The following FRAS1 variants were observed in gnomAD, a reference collection of about 807,000 sequenced individuals.
The protein encoded by FRAS1 is extracellular matrix organizing protein FRAS1.
A neutral mutation model predicts 435.2 loss-of-function variants in FRAS1; 290 were observed. The observed-to-expected ratio is 0.67, with a 90% confidence interval of 0.61 to 0.73. The LOEUF is 0.73. Among genes scored for constraint, FRAS1 ranks in the 30% least tolerant of loss-of-function variants. The pLI is 0.00. For missense variants in FRAS1, 4,860 were observed against 5,001.5 expected (o/e 0.97, Z 0.85); for synonymous variants, 1,800 against 1,851.0 (o/e 0.97, Z 0.71).
intron 32 of FRAS1, among the ~76,000 whole-genome samples, chr4:78,418,485 G>A (rs1733636580): frequency 6.6e-6 from 1 of 152,138 alleles, no homozygotes; most frequent in Non-Finnish European, 1.5e-5. Context: ...TAAGTCAGAG[G>A]AGCAGCAGTG....
chr4:78,186,709 T>C (rs1722285437), intron 2 of FRAS1, among the ~76,000 whole-genome samples: 1 of 152,208 alleles, frequency 6.6e-6, no homozygotes, highest in Non-Finnish European at 1.5e-5. Flanking sequence ...TCTGATTAGT[T>C]ATTTTCTAGT....
intron 1 of FRAS1, among the ~76,000 whole-genome samples, chr4:78,064,045 A>T (rs1181419345): frequency 6.6e-6 from 1 of 151,920 alleles, no homozygotes; most frequent in Non-Finnish European, 1.5e-5. Context: ...ACACACATAC[A>T]TATGTACACA....
intron 14 of FRAS1, among the ~76,000 whole-genome samples, chr4:78,302,517 G>T (rs1341719338): frequency 6.6e-6 from 1 of 152,090 alleles, no homozygotes; most frequent in Non-Finnish European, 1.5e-5. Flanking sequence ...TCCAGCACCT[G>T]TTGTTTCCTG....
chr4:78,483,250 A>T (rs938552153), intron 58 of FRAS1, among the ~76,000 whole-genome samples: 4 of 152,224 alleles, frequency 2.6e-5, no homozygotes, highest in Non-Finnish European at 5.9e-5. Flanking sequence ...GAATATTGGC[A>T]GTATTGTAGG....
At chr4:78,460,832 T>C (rs1353874753) in intron 47 of FRAS1, among the ~76,000 whole-genome samples, 1 of 152,240 alleles carries the variant, frequency 6.6e-6, no homozygotes, top group Admixed American at 6.5e-5. Flanking sequence ...CACCATTATA[T>C]GCAGTCTGTA....
At chr4:78,342,646 C>A (rs552045731) in intron 20 of FRAS1, among the ~76,000 whole-genome samples, 1 of 152,266 alleles carries the variant, frequency 6.6e-6, no homozygotes, top group Non-Finnish European at 1.5e-5. Flanking sequence ...AAAGCTTCCT[C>A]TTGTTCATAG....
chr4:78,508,754 C>T lies in FRAS1; in HGVS notation c.9528C>T (p.Asp3176=). 3 of 1,613,758 alleles carry T rather than the reference C, an allele frequency of 1.9e-6. No homozygotes were observed. The highest frequency in any genetic ancestry group is 1.6e-4 in the Middle Eastern group (1 of 6,062). ...AGGTGGTCACACTTGCTGACTATGA[C>T]CATGTGGAAGAAGTTACCAAGGAAG... ...PPIVVTLADY[D]HVEEVTKEGV... Residue 3176 remains aspartate (D), a synonymous_variant, in exon 63 of 74, where the codon GAC becomes GAT. Transcript: ENST00000512123.
At chr4:78,183,376 G>A (rs1192996256) in intron 2 of FRAS1, among the ~76,000 whole-genome samples, 3 of 152,164 alleles carry the variant, frequency 2.0e-5, no homozygotes, top group Middle Eastern at 3.2e-3. Context: ...ACCAGGTGAG[G>A]CAGAGTGGGG....
At chr4:78,426,863 T>C (rs952626178) in intron 35 of FRAS1, among the ~76,000 whole-genome samples, 3 of 152,236 alleles carry the variant, frequency 2.0e-5, no homozygotes, top group African/African-American at 7.2e-5. Context: ...AGTTATGTAA[T>C]ATGCACCAGA....
intron 9 of FRAS1, among the ~76,000 whole-genome samples, chr4:78,278,053 C>T (rs1212785028): frequency 6.6e-6 from 1 of 152,182 alleles, no homozygotes; most frequent in African/African-American, 2.4e-5. Flanking sequence ...CCCGCCTCGG[C>T]CTCCCAAAGT....
intron 14 of FRAS1, among the ~76,000 whole-genome samples, chr4:78,305,569 A>G (rs937935670): frequency 5.5e-5 from 7 of 127,600 alleles, no homozygotes; most frequent in Non-Finnish European, 1.2e-4. Flanking sequence ...ATATATATTC[A>G]GGATAGTTAG....
At chr4:78,301,846 G>GTTTTTTT (rs59794614) in intron 14 of FRAS1, among the ~76,000 whole-genome samples, 67 of 103,852 alleles carry the variant, frequency 6.5e-4, no homozygotes, top group Non-Finnish European at 8.4e-4. Context: ...CACAGAAACA[G>GTTTTTTT]TTTTTTTTTT....
rs1240569158 is a variant in FRAS1 at position 78,541,329 on chromosome 4, G to A, written c.*205G>A. 1.5e-5 allele frequency: 6 copies of A among 394,526 alleles called. No individual in the cohort carries two copies. The highest frequency in any genetic ancestry group is 2.2e-5 in the Non-Finnish European group (5 of 223,132). 24.4% of individuals were successfully genotyped at this position (394,526 alleles called of 1,614,324 possible). ...ACCCCAGAGTATTACAGTTATTTCC[G>A]TAGATCCCTTTAATAGTGTCAACAA... is the stretch of plus-strand genomic sequence containing the variant. On this transcript the variant is annotated 3_prime_UTR_variant, in exon 74 of 74. Coordinates refer to ENST00000512123, the MANE Select transcript of FRAS1 (RefSeq NM_025074.7).
chr4:78,502,404 G>A (rs1202133223), intron 61 of FRAS1, among the ~76,000 whole-genome samples: 1 of 152,126 alleles, frequency 6.6e-6, no homozygotes, highest in Non-Finnish European at 1.5e-5. Context: ...TTAAACAGGG[G>A]TTTGTAGTTC....
At chr4:78,502,285 A>G (rs1560415351) in intron 61 of FRAS1, among the ~76,000 whole-genome samples, 3 of 152,158 alleles carry the variant, frequency 2.0e-5, no homozygotes, top group African/African-American at 7.2e-5. Flanking sequence ...TCGGGATGGC[A>G]TTGTATCTAT....
chr4:78,432,353 G>A lies in FRAS1; in HGVS notation c.4970-4G>A, dbSNP rs778066430. On this transcript the variant is annotated splice_polypyrimidine_tract_variant and splice_region_variant and intron_variant, in intron 37 of 73. Transcript: ENST00000512123. ...TCGTTTGCAATTTGTTTTATTCTTG[G>A]AAGGTGACACTTTCACCTATGAGGA... The A allele has an allele frequency of 6.3e-7, 1 of 1,589,730 alleles. No individual in the cohort carries two copies. The highest frequency in any genetic ancestry group is 8.6e-7 in the Non-Finnish European group (1 of 1,165,580).
intron 43 of FRAS1, among the ~76,000 whole-genome samples, chr4:78,447,297 A>AG (rs1718874456): frequency 6.8e-6 from 1 of 147,374 alleles, no homozygotes; most frequent in African/African-American, 2.5e-5. Flanking sequence ...GTAAAAAAAA[A>AG]AAAAAAACAC....
intron 3 of FRAS1, 84 bp downstream of exon 3, chr4:78,237,701 T>C (rs1467994300): frequency 1.7e-6 from 1 of 605,640 alleles, no homozygotes; most frequent in Non-Finnish European, 2.7e-6. Context: ...CATCTGTTTT[T>C]GACATTTATT....
At chr4:78,277,036 C>T (rs1429052138) in intron 9 of FRAS1, among the ~76,000 whole-genome samples, 9 of 152,168 alleles carry the variant, frequency 5.9e-5, no homozygotes, top group Non-Finnish European at 1.2e-4. Flanking sequence ...CCCCCAGCCT[C>T]ACTGCCACCT....
Sources: allele counts gnomAD v4.1 joint callset (sites outside exome capture counted in the v4.1 genomes callset), GRCh38; gene constraint gnomAD v4.1.1; transcripts MANE v1.5; gene names NCBI Gene and HGNC (gene_info 2026-07-23, HGNC 2026-07-21).